ACOXL: variants seen among roughly 807,000 people sequenced by gnomAD.
The protein encoded by ACOXL is acyl-coenzyme A oxidase-like protein.
Under a neutral mutation model 71.9 loss-of-function variants are expected in ACOXL, and 70 were observed. The ratio of observed to expected loss-of-function variants is 0.97; its 90% CI spans 0.80 to 1.19. ACOXL has a LOEUF of 1.19. Among genes scored for constraint, ACOXL ranks in the 50% most tolerant of loss-of-function variants. ACOXL has a pLI of 0.00. For missense variants in ACOXL, 703 were observed against 736.3 expected, an observed-to-expected ratio of 0.95 and a Z score of 0.52; for synonymous variants, 253 against 281.6, an observed-to-expected ratio of 0.90 and a Z score of 1.02.
intron 12 of ACOXL, among the ~76,000 whole-genome samples, chr2:110,978,041 T>C (rs2062535887): frequency 6.6e-6 from 1 of 152,176 alleles, no homozygotes; most frequent in Non-Finnish European, 1.5e-5. Flanking sequence ...AATCTGTGTT[T>C]AGTGGAGGCC....
At chr2:111,093,026 T>G in intron 17 of ACOXL, 60 bp downstream of exon 17, 1 of 1,388,380 alleles carries the variant, frequency 7.2e-7, no homozygotes, top group Non-Finnish European at 1.0e-6. Context: ...CCTTGCTTTC[T>G]TAGAAAACAG....
At chr2:110,798,551 C>T in intron 5 of ACOXL, 59 bp from the exon 6 acceptor site, 2 of 1,395,752 alleles carry the variant, frequency 1.4e-6, no homozygotes, top group Non-Finnish European at 2.0e-6. Flanking sequence ...TGCTTTGAGC[C>T]AGGGAGTTGA....
At chr2:111,042,780 A>G (rs945819731) in intron 15 of ACOXL, among the ~76,000 whole-genome samples, 1 of 152,164 alleles carries the variant, frequency 6.6e-6, no homozygotes, top group African/African-American at 2.4e-5. Flanking sequence ...CCCTGGAGGG[A>G]AAGTTTCCTG....
intron 10 of ACOXL, 79 bp from the exon 11 acceptor site, chr2:110,908,710 C>T: frequency 8.8e-7 from 1 of 1,134,410 alleles, no homozygotes; most frequent in South Asian, 1.3e-5. Flanking sequence ...AATGGCTAGC[C>T]AGCATTTTTA....
At chr2:111,039,306 C>T (rs2065665956) in intron 15 of ACOXL, among the ~76,000 whole-genome samples, 1 of 151,942 alleles carries the variant, frequency 6.6e-6, no homozygotes, top group African/African-American at 2.4e-5. Context: ...ATGAATTTAC[C>T]TCTCTCTTTG....
intron 9 of ACOXL, among the ~76,000 whole-genome samples, chr2:110,827,959 CTTA>C (rs953640523): frequency 2.2e-4 from 33 of 152,098 alleles, no homozygotes; most frequent in African/African-American, 7.0e-4. Flanking sequence ...TTATTATTGA[CTTA>C]TTATTCTCCT....
At chr2:110,937,003 T>C (rs2060689672) in intron 12 of ACOXL, among the ~76,000 whole-genome samples, 1 of 152,168 alleles carries the variant, frequency 6.6e-6, no homozygotes, top group African/African-American at 2.4e-5. Context: ...TGTGCCACCA[T>C]GCCCAGCTAA....
chr2:111,001,239 A>G (rs1248934701), intron 14 of ACOXL, among the ~76,000 whole-genome samples: 1 of 152,232 alleles, frequency 6.6e-6, no homozygotes, highest in Non-Finnish European at 1.5e-5. Context: ...GTCTAATGGA[A>G]TAAACCTCCC....
At chr2:110,968,564 A>G (rs1369351233) in intron 12 of ACOXL, 2 of 993,806 alleles carry the variant, frequency 2.0e-6, no homozygotes, top group South Asian at 1.4e-5. Flanking sequence ...AAGAAAGCTC[A>G]TGCTGCTTAT....
intron 2 of ACOXL, 36 bp downstream of exon 2, chr2:110,768,500 G>GTA: frequency 6.5e-7 from 1 of 1,537,124 alleles, no homozygotes; most frequent in South Asian, 1.1e-5. Context: ...GGTTGTGTGT[G>GTA]TGTGTGTGTG....
At position 111,079,004 on chromosome 2, in the gene ACOXL, G is replaced by A. The variant is rs143321885; in HGVS notation, c.1441-13861G>A. Among the ~76,000 whole-genome samples, 30 of 152,248 alleles carry A rather than the reference G, an allele frequency of 2.0e-4. No individual in the cohort carries two copies. The East Asian group carries it at 5.4e-3, about 27-fold the overall frequency. ...GTATGCACCACTAACAGGCCAGTCT[G>A]GCATCTGAATTCTCATCTGTTTACT... is the stretch of plus-strand genomic sequence containing the variant. On this transcript the variant is annotated intron_variant, in intron 16 of 17. Transcript: ENST00000439055.
chr2:110,920,032 C>T (rs940296197), intron 11 of ACOXL, among the ~76,000 whole-genome samples: 16 of 152,104 alleles, frequency 1.1e-4, no homozygotes, highest in South Asian at 2.1e-4. Flanking sequence ...AAACTATTCT[C>T]AACAAGTTTT....
intron 1 of ACOXL, among the ~76,000 whole-genome samples, chr2:110,751,187 G>C (rs973875944): frequency 5.9e-5 from 9 of 151,572 alleles, no homozygotes; most frequent in Non-Finnish European, 1.3e-4. Context: ...TGTAGTCCCA[G>C]CTACTTGGGA....
At chr2:110,865,211 T>C (rs10204997) in intron 10 of ACOXL, among the ~76,000 whole-genome samples, 47,559 of 152,074 alleles carry the variant, frequency 0.31, 7,693 homozygotes, top group Non-Finnish European at 0.35. Flanking sequence ...CTGCATGTTT[T>C]CACTTGCAAA....
intron 9 of ACOXL, among the ~76,000 whole-genome samples, chr2:110,832,459 A>AC (rs1207573210): frequency 1.3e-5 from 2 of 149,548 alleles, no homozygotes; most frequent in Non-Finnish European, 3.0e-5. Context: ...AATGGCATGA[A>AC]CCCGGGAAGC....
chr2:111,000,118 C>T (rs1558849533), intron 14 of ACOXL, among the ~76,000 whole-genome samples: 1 of 152,170 alleles, frequency 6.6e-6, no homozygotes, highest in Non-Finnish European at 1.5e-5. Context: ...CCTAAAGTAC[C>T]TTGACGAAAT....
chr2:111,055,091 C>T (rs746944391), intron 16 of ACOXL, among the ~76,000 whole-genome samples: 1 of 152,198 alleles, frequency 6.6e-6, no homozygotes, highest in Admixed American at 6.5e-5. Context: ...TCACCCACCC[C>T]CAACCTTGGT....
intron 15 of ACOXL, among the ~76,000 whole-genome samples, chr2:111,046,456 G>T (rs577407738): frequency 1.3e-5 from 2 of 152,348 alleles, no homozygotes; most frequent in South Asian, 4.1e-4. Context: ...ATGAAGGAAA[G>T]AGGTTTAATT....
intron 16 of ACOXL, among the ~76,000 whole-genome samples, chr2:111,063,145 T>C (rs2066900007): frequency 6.6e-6 from 1 of 152,172 alleles, no homozygotes; most frequent in Non-Finnish European, 1.5e-5. Flanking sequence ...ATTCACAATT[T>C]TAAAAATTCA....
Sources: gnomAD v4.1 joint callset for allele counts (sites outside exome capture counted in the v4.1 genomes callset) on GRCh38, gnomAD v4.1.1 for gene constraint, MANE v1.5 for transcripts, NCBI Gene and HGNC (gene_info 2026-07-23, HGNC 2026-07-21) for gene names.